The following RIMS2 variants were observed in gnomAD, a reference collection of about 807,000 sequenced individuals.
The protein encoded by RIMS2 is regulating synaptic membrane exocytosis 2.
In RIMS2, 59 loss-of-function variants were observed where a neutral mutation model predicts 174.4. The observed-to-expected ratio is 0.34, with a 90% CI of 0.27 to 0.42. The LOEUF (loss-of-function observed/expected upper bound fraction) is 0.42, where lower values mean the gene tolerates loss of function less well. Ranked by LOEUF, RIMS2 falls within the 10% of genes least tolerant of loss-of-function variation. The pLI, the probability that RIMS2 is intolerant of heterozygous loss-of-function variation, is 1.00. For missense variants in RIMS2, 1,620 were observed against 1,666.3 expected (o/e 0.97, Z 0.48); for synonymous variants, 606 against 572.5 (o/e 1.06, Z -0.84).
intron 15 of RIMS2, 43 bp downstream of exon 17, chr8:103,961,176 C>T (rs1182645595): frequency 1.2e-5 from 10 of 850,244 alleles, no homozygotes; most frequent in Non-Finnish European, 1.8e-5. Flanking sequence ...AAAGGGAGTG[C>T]AATTCATCAT....
chr8:103,888,223 A>G (rs892294280), intron 4 of RIMS2, among the ~76,000 whole-genome samples: 1 of 151,564 alleles, frequency 6.6e-6, no homozygotes, highest in Non-Finnish European at 1.5e-5. Context: ...CTATTCAACA[A>G]ATAGGGTTGG....
At chr8:103,876,907 T>TAC (rs199688639) in intron 3 of RIMS2, among the ~76,000 whole-genome samples, 13 of 48,438 alleles carry the variant, frequency 2.7e-4, no homozygotes, top group African/African-American at 7.0e-4. Flanking sequence ...TATATATATA[T>TAC]ATACACACAC....
intron 4 of RIMS2, among the ~76,000 whole-genome samples, chr8:103,907,765 T>G (rs1447665926): frequency 3.3e-5 from 5 of 151,690 alleles, no homozygotes; most frequent in African/African-American, 1.2e-4. Context: ...GTTTTTTTTT[T>G]GAGACGGAGT....
chr8:103,573,091 G>A (rs962219888), intron 1 of RIMS2, among the ~76,000 whole-genome samples: 5 of 151,582 alleles, frequency 3.3e-5, no homozygotes, highest in Non-Finnish European at 7.4e-5. Flanking sequence ...ATAGAGTCTC[G>A]CTCTGTTGTC....
At chr8:103,618,478 G>A (rs969209342) in intron 1 of RIMS2, among the ~76,000 whole-genome samples, 2 of 152,138 alleles carry the variant, frequency 1.3e-5, no homozygotes, top group Admixed American at 6.5e-5. Flanking sequence ...GTAGGGACAG[G>A]ATTCAAAGAA....
At position 103,699,168 on chromosome 8, in the gene RIMS2, G is replaced by A. The variant is rs115794004; in HGVS notation, c.387+1872G>A. Among the ~76,000 whole-genome samples, 941 of 152,184 alleles carry A rather than the reference G, an allele frequency of 6.2e-3. 12 individuals carry two copies. Among genetic ancestry groups the A allele is most frequent in the African/African-American group, 0.021 (891 of 41,538 alleles). ...CATTATTAGTCTTTTAGTATCCATGGAATCTGCATTGATGCTACCTCTTTC... is the reference window on the plus strand; with the variant it reads ...CATTATTAGTCTTTTAGTATCCATGAAATCTGCATTGATGCTACCTCTTTC... On this transcript the variant is annotated intron_variant, in intron 2 of 23. Transcript: ENST00000504942.
chr8:103,726,194 T>C (rs954719955), intron 2 of RIMS2, among the ~76,000 whole-genome samples: 13 of 152,310 alleles, frequency 8.5e-5, no homozygotes, highest in Middle Eastern at 3.4e-3. Flanking sequence ...AAACCCATCA[T>C]AAGTTAAAGA....
intron 2 of RIMS2, among the ~76,000 whole-genome samples, chr8:103,747,527 A>G (rs1358927564): frequency 6.6e-6 from 1 of 152,112 alleles, no homozygotes; most frequent in African/African-American, 2.4e-5. Flanking sequence ...GAGGTATGAA[A>G]AGAATGGAAG....
At chr8:103,945,082 T>A (rs1330327589) in intron 14 of RIMS2, among the ~76,000 whole-genome samples, 1 of 152,088 alleles carries the variant, frequency 6.6e-6, no homozygotes, top group African/African-American at 2.4e-5. Context: ...CATTTAATTT[T>A]AAGTATATGT....
chr8:104,076,732 C>T (rs939335203), intron 19 of RIMS2, among the ~76,000 whole-genome samples: 4 of 151,982 alleles, frequency 2.6e-5, no homozygotes, highest in Non-Finnish European at 4.4e-5. Context: ...TGACCTTGGG[C>T]AAGTTACTTA....
At chr8:103,816,002 C>T (rs79205502) in intron 3 of RIMS2, among the ~76,000 whole-genome samples, 2,255 of 152,212 alleles carry the variant, frequency 0.015, 26 homozygotes, top group Non-Finnish European at 0.025. Context: ...ACCAGGCTGC[C>T]CGATGCCAAA....
intron 15 of RIMS2, among the ~76,000 whole-genome samples, chr8:103,975,142 C>T (rs1309294689): frequency 1.3e-5 from 2 of 152,054 alleles, no homozygotes; most frequent in Non-Finnish European, 2.9e-5. Context: ...TAGTAACTGT[C>T]TAAATATTTG....
At chr8:103,859,807 A>G (rs1210779020) in intron 3 of RIMS2, among the ~76,000 whole-genome samples, 2 of 152,120 alleles carry the variant, frequency 1.3e-5, no homozygotes. Flanking sequence ...AGGGTCCAAC[A>G]TCTTGAAGCT....
chr8:103,658,216 G>T (rs967660712), intron 1 of RIMS2, among the ~76,000 whole-genome samples: 10 of 152,164 alleles, frequency 6.6e-5, no homozygotes, highest in Non-Finnish European at 1.5e-5. Flanking sequence ...TGCCAAAACT[G>T]CAATTACCTT....
intron 17 of RIMS2, among the ~76,000 whole-genome samples, chr8:103,992,779 A>G (rs753525984): frequency 1.3e-5 from 2 of 152,220 alleles, no homozygotes; most frequent in Non-Finnish European, 2.9e-5. Context: ...CAAGTAATTT[A>G]GTAACCTGGA....
chr8:104,097,233 A>G (rs1406586189), intron 19 of RIMS2, among the ~76,000 whole-genome samples: 1 of 152,214 alleles, frequency 6.6e-6, no homozygotes, highest in Non-Finnish European at 1.5e-5. Flanking sequence ...TATTGAGGAT[A>G]GGATCCACGT....
At chr8:103,600,279 C>CT (rs1588655347) in intron 1 of RIMS2, among the ~76,000 whole-genome samples, 1 of 151,924 alleles carries the variant, frequency 6.6e-6, no homozygotes. Flanking sequence ...TTCTTTCTTT[C>CT]TTTTTTCTGA....
At chr8:103,614,514 T>G (rs1284470223) in intron 1 of RIMS2, among the ~76,000 whole-genome samples, 11 of 152,244 alleles carry the variant, frequency 7.2e-5, no homozygotes. Context: ...CTCACTAGAT[T>G]TTTGGTTATT....
At chr8:103,662,672 GTCTATCTATCTATCTATCTATCTA>G (rs61138262) in intron 1 of RIMS2, among the ~76,000 whole-genome samples, 2 of 149,552 alleles carry the variant, frequency 1.3e-5, no homozygotes, top group Non-Finnish European at 3.0e-5. Flanking sequence ...AGTCAGAAGA[GTCTATCTATCTATCTATCTATCTA>G]TCTATCTATC....
Sources: gnomAD v4.1 joint callset for allele counts (sites outside exome capture counted in the v4.1 genomes callset) on GRCh38, gnomAD v4.1.1 for gene constraint, MANE v1.5 for transcripts, NCBI Gene and HGNC (gene_info 2026-07-23, HGNC 2026-07-21) for gene names.